DROSHA: variants seen among roughly 807,000 people sequenced by gnomAD.
DROSHA encodes ribonuclease 3.
In DROSHA, 56 loss-of-function variants were observed where a neutral mutation model predicts 181.9. The ratio of observed to expected loss-of-function variants is 0.31; its 90% CI spans 0.25 to 0.38. DROSHA has a LOEUF of 0.38. Ranked by LOEUF, DROSHA falls within the 10% of genes least tolerant of loss-of-function variation. DROSHA has a pLI of 1.00. For missense variants in DROSHA, 1,218 were observed against 1,743.5 expected (o/e 0.70, Z 5.37); for synonymous variants, 524 against 591.2 (o/e 0.89, Z 1.65).
chr5:31,523,717 G>A (rs965860916), intron 5 of DROSHA, among the ~76,000 whole-genome samples: 3 of 152,072 alleles, frequency 2.0e-5, no homozygotes, highest in Non-Finnish European at 4.4e-5. Flanking sequence ...GCTCACACAT[G>A]TAATCCCAGC....
chr5:31,504,204 G>T (rs1172697550), intron 11 of DROSHA, among the ~76,000 whole-genome samples: 1 of 152,136 alleles, frequency 6.6e-6, no homozygotes, highest in Non-Finnish European at 1.5e-5. Flanking sequence ...GCACTTCAAA[G>T]CACTTTACTA....
rs754217378 is a variant in DROSHA at position 31,515,120 on chromosome 5, T to C, written c.1158A>G (p.Ser386=). 20 of 1,613,874 alleles carry C rather than the reference T, an allele frequency of 1.2e-5. No homozygotes were observed. Among genetic ancestry groups the C allele is most frequent in the South Asian group, 2.2e-5 (2 of 91,084 alleles). ...QSSGKDKNYT[S]IKEKEPEETM... is the part of the protein sequence containing the mutation. Reference sequence around the variant, plus strand: ...TCTCCTCGGGCTCTTTTTCCTTGATTGAGGTATAGTTCTTGTCTTTGCCAG... The same window carrying C: ...TCTCCTCGGGCTCTTTTTCCTTGATCGAGGTATAGTTCTTGTCTTTGCCAG... The change falls in exon 8 of 36, where the codon TCA becomes TCG. Residue 386 remains serine, a synonymous_variant. Transcript: ENST00000344624.
intron 5 of DROSHA, among the ~76,000 whole-genome samples, chr5:31,522,150 C>T (rs1739962001): frequency 6.6e-6 from 1 of 152,166 alleles, no homozygotes; most frequent in African/African-American, 2.4e-5. Context: ...TTGCTTTCCA[C>T]TTAAAGATTC....
chr5:31,446,282 T>C (rs1179490895), intron 23 of DROSHA, among the ~76,000 whole-genome samples: 5 of 150,714 alleles, frequency 3.3e-5, no homozygotes, highest in Admixed American at 2.6e-4. Context: ...CTGTCTCTAC[T>C]AAAAATACAA....
intron 33 of DROSHA, 70 bp from the exon 34 acceptor site, chr5:31,407,015 G>C: frequency 7.4e-7 from 1 of 1,343,242 alleles, no homozygotes; most frequent in African/African-American, 1.4e-5. Context: ...GTAACTATGA[G>C]GAAAACCATG....
rs566780543 is a variant in DROSHA at position 31,504,797 on chromosome 5, T to A, written c.1588-162A>T. Among the ~76,000 whole-genome samples, 7 of 152,318 alleles carry A rather than the reference T, an allele frequency of 4.6e-5. No individual in the cohort carries two copies. The East Asian group carries it at 1.4e-3, about 29-fold the overall frequency. ...ACGGATGTTCCAAAACCAATAAAGC[T>A]GCAAACTGTCTATATTGTCTGATAA... On this transcript the variant is annotated intron_variant, in intron 10 of 35. Transcript: ENST00000344624.
intron 16 of DROSHA, among the ~76,000 whole-genome samples, chr5:31,476,021 T>G (rs55724199): frequency 6.6e-6 from 1 of 152,114 alleles, no homozygotes; most frequent in Non-Finnish European, 1.5e-5. Flanking sequence ...CTGTAGAAAA[T>G]GATTAGTATA....
intron 30 of DROSHA, among the ~76,000 whole-genome samples, chr5:31,417,736 G>A (rs144800341): frequency 1.0e-3 from 156 of 152,310 alleles, no homozygotes; most frequent in African/African-American, 3.6e-3. Context: ...GTTAAGAGGT[G>A]GAGAGAGGAA....
chr5:31,481,893 G>C (rs1455867687), intron 16 of DROSHA, among the ~76,000 whole-genome samples: 1 of 152,192 alleles, frequency 6.6e-6, no homozygotes, highest in Non-Finnish European at 1.5e-5. Context: ...CACTTGGTCT[G>C]TAGGAGGCTG....
rs150443507 is a variant in DROSHA, at chr5:31,430,369, G to A, written c.3146-824C>T. Among the ~76,000 whole-genome samples, 680 of 152,312 alleles carry A rather than the reference G, an allele frequency of 4.5e-3. 6 individuals carry two copies. The highest frequency in any genetic ancestry group is 0.015 in the African/African-American group (633 of 41,574). ...TCACTTTCATGGGGTACCTCAGTAG[G>A]AGGATGTTAGAAAAGACTTACAGGA... On this transcript the variant is annotated intron_variant, in intron 26 of 35. Transcript: ENST00000344624.
intron 16 of DROSHA, among the ~76,000 whole-genome samples, chr5:31,479,209 T>A (rs931510759): frequency 6.6e-6 from 1 of 152,178 alleles, no homozygotes; most frequent in African/African-American, 2.4e-5. Context: ...CTTAAAGCAG[T>A]TAAAACAATA....
chr5:31,401,585 A>G (rs1469932393), intron 35 of DROSHA, 23 bp from the exon 36 acceptor site: 21 of 1,361,524 alleles, frequency 1.5e-5, no homozygotes, highest in Non-Finnish European at 2.0e-5. Flanking sequence ...AATATATTTT[A>G]TATTTAATAA....
intron 20 of DROSHA, among the ~76,000 whole-genome samples, chr5:31,458,223 TGGGTTTAC>T (rs1368893984): frequency 6.6e-6 from 1 of 152,200 alleles, no homozygotes; most frequent in African/African-American, 2.4e-5. Flanking sequence ...CAACCTACTC[TGGGTTTAC>T]GGGTTTACTG....
chr5:31,458,590 T>C (rs1226476051), intron 20 of DROSHA, among the ~76,000 whole-genome samples: 1 of 152,156 alleles, frequency 6.6e-6, no homozygotes, highest in Non-Finnish European at 1.5e-5. Flanking sequence ...CCACCAGCTA[T>C]GAAAATATCT....
At chr5:31,442,933 T>C (rs1487308859) in intron 23 of DROSHA, among the ~76,000 whole-genome samples, 1 of 152,066 alleles carries the variant, frequency 6.6e-6, no homozygotes, top group African/African-American at 2.4e-5. Context: ...TTTACATATA[T>C]TTAATATATA....
At chr5:31,531,348 GA>G (rs1302237758) in intron 2 of DROSHA, 101 bp downstream of exon 2, 1 of 152,652 alleles carries the variant, frequency 6.6e-6, no homozygotes, top group African/African-American at 2.4e-5. Flanking sequence ...TCAGTAGTTA[GA>G]AAATCTAAAA....
At chr5:31,427,771 A>T (rs544689036) in intron 27 of DROSHA, among the ~76,000 whole-genome samples, 1 of 152,342 alleles carries the variant, frequency 6.6e-6, no homozygotes, top group East Asian at 1.9e-4. Flanking sequence ...TCTTTGGCTA[A>T]TTAGGCTTTC....
rs1017918419 is a variant in DROSHA, at chr5:31,469,177, T to C, written c.2242-1114A>G. On this transcript the variant is annotated intron_variant, in intron 17 of 35. Transcript: ENST00000344624. ...TTCGAGACCAGCCTGGCCAACATAG[T>C]GAAACCCCATCTCTACTAAAAATAC... Among the ~76,000 whole-genome samples the C allele has an allele frequency of 2.0e-5, 3 of 152,076 alleles. No homozygotes were observed. In the South Asian group the frequency reaches 6.2e-4, roughly 32 times the overall value.
chr5:31,496,440 A>C (rs1207649689), intron 11 of DROSHA, among the ~76,000 whole-genome samples: 1 of 152,312 alleles, frequency 6.6e-6, no homozygotes, highest in East Asian at 1.9e-4. Flanking sequence ...ACAAAAACAA[A>C]AAGAAAACCA....
Sources: gnomAD v4.1 joint callset for allele counts (sites outside exome capture counted in the v4.1 genomes callset) on GRCh38, gnomAD v4.1.1 for gene constraint, MANE v1.5 for transcripts, NCBI Gene and HGNC (gene_info 2026-07-23, HGNC 2026-07-21) for gene names.